The following DCX variants were observed in gnomAD, a reference collection of about 807,000 sequenced individuals.
DCX encodes the protein neuronal migration protein doublecortin.
DCX carries 4 observed loss-of-function variants against 20.9 expected under a neutral mutation model. The ratio of observed to expected loss-of-function variants is 0.19; its 90% CI spans 0.09 to 0.44. The LOEUF is 0.44. DCX is among the 20% of genes least tolerant of loss of function. The probability of loss-of-function intolerance (pLI) is 0.99; values close to 1 mark genes in which losing one functional copy is unlikely to be tolerated. For synonymous variants in DCX, 103 were observed against 111.4 expected (o/e 0.92, Z 0.47); for missense variants, 133 against 296.9 (o/e 0.45, Z 4.06).
intron 4 of DCX, among the ~76,000 whole-genome samples, chrX:111,332,542 T>C (rs947000677): frequency 2.7e-5 from 3 of 111,811 alleles, no homozygotes; most frequent in Non-Finnish European, 5.6e-5. Context: ...ATCCTTCTTA[T>C]TATTAACAAC....
intron 5 of DCX, among the ~76,000 whole-genome samples, chrX:111,329,897 GA>G (rs1017946746): frequency 5.3e-5 from 6 of 112,279 alleles, no homozygotes; most frequent in Non-Finnish European, 9.4e-5. Context: ...GAATTCTCAT[GA>G]TAAATTCTGA....
At chrX:111,305,495 A>G (rs1364265481) in intron 6 of DCX, among the ~76,000 whole-genome samples, 3 of 111,108 alleles carry the variant, frequency 2.7e-5, no homozygotes, top group Non-Finnish European at 5.7e-5. Context: ...TTTATATTAG[A>G]TCTCTAGATG....
At chrX:111,390,303 C>G (rs1300721877) in intron 3 of DCX, among the ~76,000 whole-genome samples, 1 of 111,867 alleles carries the variant, frequency 8.9e-6, no homozygotes, top group Non-Finnish European at 1.9e-5. Flanking sequence ...AGATAAAAGC[C>G]TATCTTATCT....
chrX:111,349,456 C>G (rs2147669487), intron 3 of DCX, among the ~76,000 whole-genome samples: 1 of 111,325 alleles, frequency 9.0e-6, no homozygotes, highest in Non-Finnish European at 1.9e-5. Context: ...TGCATCAGAC[C>G]CATTGCCTCC....
intron 3 of DCX, among the ~76,000 whole-genome samples, chrX:111,365,437 C>A (rs983589663): frequency 9.1e-6 from 1 of 109,833 alleles, no homozygotes; most frequent in Admixed American, 9.8e-5. Context: ...AAAAGCACAT[C>A]CTGAAGAATG....
chrX:111,401,538 C>A (rs1002270470), intron 2 of DCX, among the ~76,000 whole-genome samples: 6 of 111,872 alleles, frequency 5.4e-5, no homozygotes, highest in African/African-American at 2.0e-4. Flanking sequence ...TATAATGACA[C>A]ACCTAGTTGA....
At chrX:111,321,983 C>T (rs1161630249) in intron 5 of DCX, among the ~76,000 whole-genome samples, 1 of 112,282 alleles carries the variant, frequency 8.9e-6, no homozygotes, top group African/African-American at 3.2e-5. Flanking sequence ...CTAAGCCCAA[C>T]ATTTGAGCCC....
chrX:111,325,698 G>A (rs1010501444), intron 5 of DCX, among the ~76,000 whole-genome samples: 4 of 112,024 alleles, frequency 3.6e-5, no homozygotes, highest in Admixed American at 9.5e-5. Context: ...ACTGAGATAC[G>A]TTGTAAGTGT....
intron 3 of DCX, among the ~76,000 whole-genome samples, chrX:111,394,758 G>A (rs759756179): frequency 1.8e-5 from 2 of 111,696 alleles, no homozygotes; most frequent in Non-Finnish European, 3.8e-5. Flanking sequence ...TCCTTCCCTA[G>A]CACTGAAAAT....
intron 6 of DCX, among the ~76,000 whole-genome samples, chrX:111,306,288 G>A (rs1266129710): frequency 9.0e-6 from 1 of 111,367 alleles, no homozygotes; most frequent in Non-Finnish European, 1.9e-5. Flanking sequence ...TTGCTATACT[G>A]ATGTCAGAAA....
intron 3 of DCX, among the ~76,000 whole-genome samples, chrX:111,383,642 A>C (rs1435654619): frequency 9.0e-6 from 1 of 111,324 alleles, no homozygotes; most frequent in Non-Finnish European, 1.9e-5. Context: ...TGGCCCTATG[A>C]GGTAGGTTAG....
rs1291914992 is a variant in DCX at position 111,368,931 on chromosome X, CA to C, written c.705+32058del. Among the ~76,000 whole-genome samples the C allele has an allele frequency of 8.3e-5, 9 of 107,888 alleles. No individual in the cohort carries two copies. The East Asian group carries it at 2.6e-3, about 31-fold the overall frequency. 93.7% of individuals were successfully genotyped at this position (107,888 alleles called of 115,157 possible). A position where few individuals can be genotyped will look rare whatever the true frequency, so the allele number is the denominator to read the frequency against. On this transcript the variant is annotated intron_variant, in intron 3 of 6. Coordinates refer to ENST00000636035, the MANE Select transcript of DCX (RefSeq NM_001195553.2). The stretch of plus-strand genomic sequence containing the variant: ...ACACACACACACACACACACACACA[CA>C]AAGGGGAGTTTATTAAGTATTAACT...
At chrX:111,410,728 A>G (rs745543629) in intron 1 of DCX, 1 of 1,144,013 alleles carries the variant, frequency 8.7e-7, no homozygotes. Flanking sequence ...GGAGATTTTG[A>G]AATAGCTGAA....
At chrX:111,394,430 C>T (rs1927175680) in intron 3 of DCX, among the ~76,000 whole-genome samples, 1 of 111,634 alleles carries the variant, frequency 9.0e-6, no homozygotes, top group African/African-American at 3.3e-5. Context: ...TGGATGCAGA[C>T]CTCTGTGAAT....
At chrX:111,331,219 T>C (rs867520204) in intron 4 of DCX, among the ~76,000 whole-genome samples, 178 bp from the exon 5 acceptor site, 2 of 111,681 alleles carry the variant, frequency 1.8e-5, no homozygotes, top group Middle Eastern at 9.2e-3. Context: ...TAGGGAAACC[T>C]TCAAAAGCCA....
chrX:111,304,239 A>C (rs756113612), intron 6 of DCX, among the ~76,000 whole-genome samples: 7 of 112,293 alleles, frequency 6.2e-5, no homozygotes, highest in African/African-American at 9.7e-5. Flanking sequence ...GGACTTCCAG[A>C]AAGGTGGCAT....
At chrX:111,346,246 A>G (rs1031928448) in intron 3 of DCX, among the ~76,000 whole-genome samples, 2 of 111,388 alleles carry the variant, frequency 1.8e-5, no homozygotes, top group Non-Finnish European at 1.9e-5. Flanking sequence ...TTTAATTAGA[A>G]CCCATTTGTC....
chrX:111,399,975 T>C (rs1208042264), intron 3 of DCX, among the ~76,000 whole-genome samples: 1 of 112,157 alleles, frequency 8.9e-6, no homozygotes, highest in Non-Finnish European at 1.9e-5. Flanking sequence ...TCAGAAATTA[T>C]AGGAGGAGGC....
chrX:111,335,248 C>T lies in DCX; in HGVS notation c.706-2095G>A, dbSNP rs976600672. ...ATTTGGCACTTTGTTTCAAGACCTG[C>T]CTGTATTTTCATGAGGACTCACTTA... is the stretch of plus-strand genomic sequence containing the variant. On this transcript the variant is annotated intron_variant, in intron 3 of 6. Transcript: ENST00000636035. Among the ~76,000 whole-genome samples, 4 of 112,052 alleles carry T rather than the reference C, an allele frequency of 3.6e-5. No individual in the cohort carries two copies. The East Asian group carries it at 1.1e-3, about 31-fold the overall frequency.
Sources: gnomAD v4.1 joint callset for allele counts (sites outside exome capture counted in the v4.1 genomes callset) on GRCh38, gnomAD v4.1.1 for gene constraint, MANE v1.5 for transcripts, NCBI Gene and HGNC (gene_info 2026-07-23, HGNC 2026-07-21) for gene names.